ZNF248: variants seen among roughly 807,000 people sequenced by gnomAD.
The protein encoded by ZNF248 is KRAB protein domain.
Under a neutral mutation model 44.3 loss-of-function variants are expected in ZNF248, and 20 were observed. The ratio of observed to expected loss-of-function variants is 0.45; its 90% confidence interval spans 0.32 to 0.66. ZNF248 has a LOEUF of 0.66. Among genes scored for constraint, ZNF248 ranks in the 30% least tolerant of loss-of-function variants. The probability of loss-of-function intolerance (pLI) is 0.04; values close to 1 mark genes in which losing one functional copy is unlikely to be tolerated. For synonymous variants in ZNF248, 224 were observed against 229.0 expected (o/e 0.98, Z 0.20); for missense variants, 654 against 677.0 (o/e 0.97, Z 0.38).
intron 6 of ZNF248, chr10:37,820,820 C>A (rs1292888148): frequency 8.4e-7 from 1 of 1,185,058 alleles, no homozygotes; most frequent in Non-Finnish European, 1.3e-6. Flanking sequence ...CCTGATTTTC[C>A]AACTCTTGAA....
chr10:37,766,679 C>G, the ZNF248 span, among the ~76,000 whole-genome samples: 5 of 152,178 alleles, frequency 3.3e-5, no homozygotes, highest in Admixed American at 1.3e-4. Context: ...TGGGGAAAAA[C>G]AGAGTAGAAA....
intron 6 of ZNF248, among the ~76,000 whole-genome samples, chr10:37,801,556 C>A (rs1033296565): frequency 2.0e-5 from 3 of 151,880 alleles, no homozygotes; most frequent in African/African-American, 7.3e-5. Flanking sequence ...TAGAATTATT[C>A]TCCAAAATAT....
At chr10:37,772,996 A>G (rs900271103), downstream of ZNF248, among the ~76,000 whole-genome samples, 1 of 152,162 alleles carries the variant, frequency 6.6e-6, no homozygotes, top group Non-Finnish European at 1.5e-5. Flanking sequence ...TCAAAGGAAA[A>G]AAAAATGGGG....
rs2135140441 is a variant in ZNF248, at chr10:37,857,446, C to A, written c.-387G>T. On this transcript the variant is annotated 5_prime_UTR_variant, in exon 1 of 6. Transcript: ENST00000395867. ...CTCGGGCTCTCCCAGGGAACGCACA[C>A]CCAATAAATACAGCACCTAAACAAT... The A allele has an allele frequency of 6.6e-6, 1 of 152,320 alleles. No individual in the cohort carries two copies. Among genetic ancestry groups the A allele is most frequent in the East Asian group, 1.9e-4 (1 of 5,160 alleles). 9.4% of individuals were successfully genotyped at this position (152,320 alleles called of 1,614,324 possible).
At chr10:37,820,708 A>G (rs1383624065) in intron 6 of ZNF248, 4 of 1,357,216 alleles carry the variant, frequency 2.9e-6, no homozygotes, top group Non-Finnish European at 4.2e-6. Flanking sequence ...CTTCTTTATC[A>G]CTCAAGGATC....
chr10:37,828,987 C>A lies in ZNF248; in HGVS notation c.*2628G>T. On this transcript the variant is annotated 3_prime_UTR_variant, in exon 6 of 6. Transcript: ENST00000395867. ...ACTTAACTTGCAACTAGTAGAATAA[C>A]TTTATTTCTAACACTGAGCCTTCTA... 1 of 985,448 alleles carries A rather than the reference C, an allele frequency of 1.0e-6. No individual in the cohort carries two copies. The highest frequency in any genetic ancestry group is 1.2e-6 in the Non-Finnish European group (1 of 829,926). The allele number at this position is 985,448 out of a possible 1,614,324, so 61.0% of individuals were successfully genotyped here. A position where few individuals can be genotyped will look rare whatever the true frequency, so the allele number is the denominator to read the frequency against.
At chr10:37,765,553 G>C in the ZNF248 span, among the ~76,000 whole-genome samples, 4 of 152,190 alleles carry the variant, frequency 2.6e-5, no homozygotes, top group South Asian at 8.3e-4. Context: ...ATTTAGCATG[G>C]TATATTATCT....
At chr10:37,822,176 C>T (rs763254414) in intron 6 of ZNF248, among the ~76,000 whole-genome samples, 3 of 152,176 alleles carry the variant, frequency 2.0e-5, no homozygotes, top group Non-Finnish European at 4.4e-5. Context: ...TTAATCTCTC[C>T]CTGGAGGCCT....
chr10:37,790,125 G>A (rs1214952651), intron 6 of ZNF248, among the ~76,000 whole-genome samples: 1 of 149,528 alleles, frequency 6.7e-6, no homozygotes, highest in South Asian at 2.1e-4. Flanking sequence ...AAAAAAATGA[G>A]ACAGGCGCGG....
intron 6 of ZNF248, chr10:37,819,581 T>C: frequency 1.1e-6 from 1 of 879,892 alleles, no homozygotes; most frequent in East Asian, 2.4e-5. Context: ...TGAGTTATCT[T>C]CATTATGTAT....
Position 37,856,514 on chromosome 10 carries a change from T to C in ZNF248, c.-107A>G, listed in dbSNP as rs2061319601. 4.1e-6 allele frequency: 5 copies of C among 1,227,004 alleles called. No homozygotes were observed. The Admixed American group carries it at 1.6e-4, about 40-fold the overall frequency. 76.0% of individuals were successfully genotyped at this position (1,227,004 alleles called of 1,614,324 possible). A position where few individuals can be genotyped will look rare whatever the true frequency, so the allele number is the denominator to read the frequency against. ...AGTGAATGTAAATATTTCTTATTGATTTATTACCAATTTAGGTTCTGTGAC... is the reference window on the plus strand; with the variant it reads ...AGTGAATGTAAATATTTCTTATTGACTTATTACCAATTTAGGTTCTGTGAC... On this transcript the variant is annotated 5_prime_UTR_variant, in exon 2 of 6. Coordinates refer to ENST00000395867, the MANE Select transcript of ZNF248 (RefSeq NM_021045.3).
chr10:37,856,361 G>A (rs1331875187), intron 2 of ZNF248, 24 bp from the exon 3 acceptor site: 4 of 1,612,484 alleles, frequency 2.5e-6, no homozygotes, highest in Non-Finnish European at 3.4e-6. Flanking sequence ...AAGGAAGAAT[G>A]TCAGGAGAGC....
At chr10:37,798,073 A>G (rs1208712) in intron 6 of ZNF248, among the ~76,000 whole-genome samples, 9,121 of 152,212 alleles carry the variant, frequency 0.06, 350 homozygotes, top group Middle Eastern at 0.095. Context: ...AAATGTCTAC[A>G]AACTGATAAT....
downstream of ZNF248, among the ~76,000 whole-genome samples, chr10:37,774,044 T>C (rs2046391748): frequency 2.0e-5 from 3 of 152,122 alleles, no homozygotes; most frequent in Middle Eastern, 0.01. Context: ...CAGTTGTTTC[T>C]CTGGAGAACA....
At chr10:37,818,727 G>T in intron 6 of ZNF248, 1 of 601,582 alleles carries the variant, frequency 1.7e-6, no homozygotes, top group South Asian at 1.7e-5. Flanking sequence ...CCAGTTGCTG[G>T]GCATCAATGC....
intron 6 of ZNF248, among the ~76,000 whole-genome samples, chr10:37,793,999 T>A (rs1159183146): frequency 1.3e-5 from 2 of 152,200 alleles, no homozygotes; most frequent in Non-Finnish European, 2.9e-5. Flanking sequence ...ACTAATAATT[T>A]GATGTACAAG....
downstream of ZNF248, among the ~76,000 whole-genome samples, chr10:37,772,846 A>G (rs958071606): frequency 6.6e-6 from 1 of 152,228 alleles, no homozygotes; most frequent in Non-Finnish European, 1.5e-5. Context: ...CACATTTCTG[A>G]CTAAACTCAC....
the ZNF248 span, among the ~76,000 whole-genome samples, chr10:37,768,552 A>G: frequency 6.6e-6 from 1 of 152,226 alleles, no homozygotes; most frequent in African/African-American, 2.4e-5. Context: ...AGGCAGAAAT[A>G]AAGATGTTCT....
chr10:37,775,409 GAGA>G (rs1588931679), downstream of ZNF248: 1 of 152,078 alleles, frequency 6.6e-6, no homozygotes, highest in East Asian at 1.9e-4. Context: ...ACAGTTACGG[GAGA>G]AGAACACAGG....
Sources: allele counts gnomAD v4.1 joint callset (sites outside exome capture counted in the v4.1 genomes callset), GRCh38; gene constraint gnomAD v4.1.1; transcripts MANE v1.5; gene names NCBI Gene and HGNC (gene_info 2026-07-23, HGNC 2026-07-21).